Variants in USP43 observed in about 807,000 individuals in gnomAD.
The protein encoded by USP43 is ubiquitin carboxyl-terminal hydrolase 43.
A neutral mutation model predicts 90.7 loss-of-function variants in USP43; 33 were observed. The ratio of observed to expected loss-of-function variants is 0.36; its 90% CI spans 0.28 to 0.49. The LOEUF is 0.49. Among genes scored for constraint, USP43 ranks in the 20% least tolerant of loss-of-function variants. The pLI, the probability that USP43 is intolerant of heterozygous loss-of-function variation, is 0.98. For synonymous variants in USP43, 598 were observed against 615.8 expected (o/e 0.97, Z 0.43); for missense variants, 1,274 against 1,476.4 (o/e 0.86, Z 2.25).
At chr17:9,710,199 C>G (rs1916106095) in intron 13 of USP43, 85 bp downstream of exon 13, 3 of 1,329,004 alleles carry the variant, frequency 2.3e-6, no homozygotes, top group African/African-American at 1.5e-5. Context: ...CATCGAGGAC[C>G]AGGAGAGGTT....
At chr17:9,699,009 T>C (rs1915420938) in intron 9 of USP43, among the ~76,000 whole-genome samples, 2 of 152,066 alleles carry the variant, frequency 1.3e-5, no homozygotes, top group African/African-American at 2.4e-5. Flanking sequence ...GATCTAGGGG[T>C]CCTCAGTCTG....
At chr17:9,647,847 C>A (rs190659) in intron 1 of USP43, among the ~76,000 whole-genome samples, 119,920 of 128,304 alleles carry the variant, frequency 0.93, 55,844 homozygotes, top group Middle Eastern at 0.96. Flanking sequence ...TACTAAAAAT[C>A]CAAAAAAAAA....
intron 14 of USP43, among the ~76,000 whole-genome samples, chr17:9,727,559 G>A (rs1445618504): frequency 6.6e-6 from 1 of 151,716 alleles, no homozygotes; most frequent in Non-Finnish European, 1.5e-5. Context: ...GCATTTGAAA[G>A]GTACAAGGAC....
At chr17:9,704,840 G>A (rs1028758959) in intron 12 of USP43, among the ~76,000 whole-genome samples, 1 of 151,668 alleles carries the variant, frequency 6.6e-6, no homozygotes, top group African/African-American at 2.4e-5. Flanking sequence ...CTGCTTGCTG[G>A]GCCCTCAAAG....
intron 13 of USP43, among the ~76,000 whole-genome samples, chr17:9,711,701 C>G (rs378841): frequency 0.33 from 50,776 of 152,036 alleles, 10,266 homozygotes; most frequent in African/African-American, 0.58. Flanking sequence ...TAAGTGCTGG[C>G]ATTACAGGCG....
intron 2 of USP43, among the ~76,000 whole-genome samples, chr17:9,662,397 T>A (rs1467198684): frequency 6.6e-6 from 1 of 152,204 alleles, no homozygotes; most frequent in Non-Finnish European, 1.5e-5. Context: ...AAACCCAGCA[T>A]GCCCATCCCA....
intron 4 of USP43, among the ~76,000 whole-genome samples, chr17:9,676,519 G>A (rs1239618982): frequency 3.9e-5 from 6 of 152,094 alleles, no homozygotes; most frequent in South Asian, 2.1e-4. Context: ...ACAGGCATCC[G>A]CCACCACACT....
chr17:9,692,318 C>T (rs1411521374), intron 8 of USP43, among the ~76,000 whole-genome samples: 8 of 145,642 alleles, frequency 5.5e-5, no homozygotes, highest in African/African-American at 2.0e-4. Context: ...GAGATTGTGG[C>T]ACTGCACTCC....
chr17:9,673,585 G>A (rs537564761), intron 3 of USP43, among the ~76,000 whole-genome samples: 1 of 152,284 alleles, frequency 6.6e-6, no homozygotes, highest in South Asian at 2.1e-4. Flanking sequence ...GTTTAAAAGA[G>A]TTGAAAGAAT....
intron 1 of USP43, among the ~76,000 whole-genome samples, chr17:9,648,857 T>C (rs1360217538): frequency 6.6e-6 from 1 of 150,716 alleles, no homozygotes; most frequent in Admixed American, 6.6e-5. Flanking sequence ...CTGTTTCTCT[T>C]TCTCTCTCTC....
intron 8 of USP43, among the ~76,000 whole-genome samples, chr17:9,690,556 A>T (rs1310787379): frequency 6.6e-6 from 1 of 152,186 alleles, no homozygotes; most frequent in Non-Finnish European, 1.5e-5. Flanking sequence ...ATTAAACATT[A>T]TACTGATTAA....
intron 3 of USP43, among the ~76,000 whole-genome samples, chr17:9,670,886 T>G (rs1194332811): frequency 1.3e-5 from 2 of 152,132 alleles, no homozygotes; most frequent in Non-Finnish European, 2.9e-5. Context: ...CAAGGTGTCG[T>G]CAGGGATGCC....
intron 9 of USP43, 150 bp from the exon 10 acceptor site, chr17:9,700,022 C>T: frequency 1.4e-6 from 1 of 715,412 alleles, no homozygotes. Flanking sequence ...TTAGCAGCCT[C>T]CGAGGATAGC....
intron 14 of USP43, among the ~76,000 whole-genome samples, chr17:9,719,956 A>G (rs1226421799): frequency 6.6e-6 from 1 of 152,106 alleles, no homozygotes; most frequent in Non-Finnish European, 1.5e-5. Context: ...GATCCCAGCT[A>G]CTCAGGAGGC....
In USP43 at chr17:9,701,595, T is replaced by C; in HGVS notation, c.1906T>C (p.Trp636Arg). 3 of 1,578,154 alleles carry C rather than the reference T, an allele frequency of 1.9e-6. No individual in the cohort carries two copies. The highest frequency in any genetic ancestry group is 2.3e-5 in the East Asian group (1 of 42,858). ...GGCAGGACTGGGCCCCTGGCCTTCC[T>C]GGAAGCAGCCGGACTGCCTGCCCAC... ...PEAGLGPWPS[W>R]KQPDCLPTSY... Residue 636 changes from tryptophan to arginine, a missense_variant, in exon 12 of 15, where the codon TGG (tryptophan) becomes CGG (arginine). Around this residue, in one of 6 missense-constraint regions of USP43, gnomAD observed 285 missense variants for 349.6 expected, o/e 0.82. Transcript: ENST00000285199. The surrounding 1 kb of genome is among the most constrained non-coding windows in gnomAD (Gnocchi z 7.2).
chr17:9,676,364 A>ATCTTTCTT (rs527583367), intron 4 of USP43, among the ~76,000 whole-genome samples: 1 of 151,962 alleles, frequency 6.6e-6, no homozygotes, highest in African/African-American at 2.4e-5. Context: ...TTGATCCATT[A>ATCTTTCTT]TCTTTCTTTC....
In USP43 at chr17:9,729,142, A is replaced by G. The variant is rs1175040216; in HGVS notation, c.*152A>G. 6.5e-6 allele frequency: 4 copies of G among 615,706 alleles called. No homozygotes were observed. Among genetic ancestry groups the G allele is most frequent in the South Asian group, 4.0e-5 (1 of 24,824 alleles). 38.1% of individuals were successfully genotyped at this position (615,706 alleles called of 1,614,324 possible). ...TTTTTTTGTGGTGGGGGGTCTCCATATCTAGACTTCCAACACCCAAGGTCC... is the reference window on the plus strand; with the variant it reads ...TTTTTTTGTGGTGGGGGGTCTCCATGTCTAGACTTCCAACACCCAAGGTCC... On this transcript the variant is annotated 3_prime_UTR_variant, in exon 15 of 15. Transcript: ENST00000285199.
chr17:9,660,442 C>A (rs1054184422), intron 2 of USP43, among the ~76,000 whole-genome samples: 1 of 152,322 alleles, frequency 6.6e-6, no homozygotes, highest in African/African-American at 2.4e-5. Context: ...AGCCACCACG[C>A]CCGACCAATA....
intron 2 of USP43, among the ~76,000 whole-genome samples, chr17:9,661,758 C>CGTGTTTGACCTCATTGTCCATGCTTT (rs372221336): frequency 0.022 from 3,286 of 152,162 alleles, 89 homozygotes; most frequent in African/African-American, 0.065. Context: ...GCAGAGCCAG[C>CGTGTTTGACCTCATTGTCCATGCTTT]GTGAATGACC....
Sources: allele counts gnomAD v4.1 joint callset (sites outside exome capture counted in the v4.1 genomes callset), GRCh38; gene constraint gnomAD v4.1.1; regional missense constraint gnomAD v4.1.1; non-coding constraint Gnocchi (gnomAD v3.1); transcripts MANE v1.5; gene names NCBI Gene and HGNC (gene_info 2026-07-23, HGNC 2026-07-21).